Variants in PSD2 observed in about 807,000 individuals in gnomAD.
The protein encoded by PSD2 is PH and SEC7 domain-containing protein 2.
Under a neutral mutation model 69.8 loss-of-function variants are expected in PSD2, and 38 were observed. The observed-to-expected ratio is 0.54, with a 90% CI of 0.42 to 0.71. The LOEUF is 0.71. PSD2 is among the 30% of genes least tolerant of loss of function. The pLI is 0.00. For synonymous variants in PSD2, 412 were observed against 423.0 expected (o/e 0.97, Z 0.32); for missense variants, 943 against 1,014.5 (o/e 0.93, Z 0.96).
the PSD2 span, among the ~76,000 whole-genome samples, chr5:139,762,325 G>GA: frequency 2.7e-5 from 4 of 150,664 alleles, no homozygotes; most frequent in African/African-American, 9.8e-5. Flanking sequence ...TTACAGGCAT[G>GA]AACCACCACG....
At chr5:139,841,447 G>C (rs572563828) in intron 14 of PSD2, among the ~76,000 whole-genome samples, 1 of 152,266 alleles carries the variant, frequency 6.6e-6, no homozygotes, top group Admixed American at 6.5e-5. Context: ...TCCATCTTTT[G>C]GCTATTATGA....
chr5:139,817,491 A>G lies in PSD2; in HGVS notation c.1027A>G (p.Ser343Gly), dbSNP rs1162095834. The G allele has an allele frequency of 1.2e-6, 2 of 1,614,024 alleles. No homozygotes were observed. The highest frequency in any genetic ancestry group is 2.2e-5 in the South Asian group (2 of 91,088). The change falls in exon 5 of 15, where the codon AGC becomes GGC. Residue 343 changes from serine to glycine, a missense_variant. By Grantham distance (56) the Ser-to-Gly change is moderately conservative. Coordinates refer to ENST00000274710, the MANE Select transcript of PSD2 (RefSeq NM_032289.4). ...ATACTCTCCTGGCAGCAACGAGTTT[A>G]GCAGGCTGGTGGCCGGGGAGTACCT... The part of the protein sequence containing the change: ...ARQLGKNNEF[S>G]RLVAGEYLSF...
intron 7 of PSD2, among the ~76,000 whole-genome samples, chr5:139,829,895 T>C (rs1760528954): frequency 6.6e-6 from 1 of 152,180 alleles, no homozygotes. Flanking sequence ...ATTTAACTTT[T>C]TGAGGAAGTG....
the PSD2 span, among the ~76,000 whole-genome samples, chr5:139,761,976 C>T: frequency 6.6e-6 from 1 of 152,180 alleles, no homozygotes; most frequent in Non-Finnish European, 1.5e-5. Flanking sequence ...CCTCCGTTTC[C>T]ATAGCTGTAA....
chr5:139,758,253 C>T, the PSD2 span, among the ~76,000 whole-genome samples: 1 of 152,036 alleles, frequency 6.6e-6, no homozygotes, highest in Non-Finnish European at 1.5e-5. Flanking sequence ...GGCCTGGGAG[C>T]ACCCTTTCTT....
intron 1 of PSD2, among the ~76,000 whole-genome samples, chr5:139,808,849 G>A (rs1195545345): frequency 9.2e-5 from 14 of 152,250 alleles, no homozygotes; most frequent in Admixed American, 5.9e-4. Context: ...ATTAGGCTGC[G>A]TCTGTTGACT....
rs148764303 is a variant in PSD2 at position 139,807,149 on chromosome 5, G to A, written c.-50-2242G>A. On this transcript the variant is annotated intron_variant, in intron 1 of 14. Transcript: ENST00000274710. ...CTCTTAAACCTCAGGTTTCATGAAG[G>A]CTTAGGCAGAGCCCTGACTCAAAAT... Among the ~76,000 whole-genome samples, 239 of 152,326 alleles carry A rather than the reference G, an allele frequency of 1.6e-3. 1 individual carries two copies. Among genetic ancestry groups the A allele is most frequent in the African/African-American group, 5.6e-3 (231 of 41,572 alleles).
At chr5:139,771,974 C>T in the PSD2 span, among the ~76,000 whole-genome samples, 1 of 152,184 alleles carries the variant, frequency 6.6e-6, no homozygotes, top group Non-Finnish European at 1.5e-5. Context: ...TGTCTCCTCG[C>T]TCCCAGCACC....
chr5:139,838,874 T>A (rs1760804467), intron 13 of PSD2, 102 bp downstream of exon 13: 1 of 1,317,524 alleles, frequency 7.6e-7, no homozygotes, highest in Non-Finnish European at 1.1e-6. Context: ...GGCTGGGTGA[T>A]CCTGGGCTGA....
At chr5:139,770,853 CAT>C in the PSD2 span, among the ~76,000 whole-genome samples, 85 of 152,338 alleles carry the variant, frequency 5.6e-4, no homozygotes, top group African/African-American at 2.0e-3. Context: ...ATGAAATACA[CAT>C]GTGTGCACAA....
intron 6 of PSD2, among the ~76,000 whole-genome samples, chr5:139,822,319 T>G (rs1430409446): frequency 1.3e-5 from 2 of 151,972 alleles, no homozygotes; most frequent in African/African-American, 4.8e-5. Context: ...GTGGTGGGGG[T>G]CTAGGTCGGG....
intron 9 of PSD2, 126 bp from the exon 10 acceptor site, chr5:139,836,685 C>A (rs1760726486): frequency 1.3e-6 from 1 of 763,750 alleles, no homozygotes; most frequent in South Asian, 1.8e-5. Flanking sequence ...CTCTTCATCT[C>A]TGCCTCCTGG....
intron 3 of PSD2, 145 bp downstream of exon 3, chr5:139,813,903 TC>T: frequency 1.3e-6 from 1 of 764,450 alleles, no homozygotes; most frequent in Non-Finnish European, 2.0e-6. Context: ...CATCCAGGCT[TC>T]CCACCCTGTG....
the PSD2 span, among the ~76,000 whole-genome samples, chr5:139,760,389 CG>C: frequency 6.6e-6 from 1 of 152,114 alleles, no homozygotes; most frequent in African/African-American, 2.4e-5. Flanking sequence ...GGTGTGCTCA[CG>C]GGGGACCCAC....
At chr5:139,813,818 G>A (rs934118291) in intron 3 of PSD2, 60 bp downstream of exon 3, 25 of 1,448,388 alleles carry the variant, frequency 1.7e-5, no homozygotes. Context: ...AGACCCAGAG[G>A]GGGCAAAGCA....
chr5:139,842,845 G>A lies in PSD2; in HGVS notation c.*371G>A, dbSNP rs1284077480. The A allele has an allele frequency of 2.1e-5, 4 of 189,898 alleles. No homozygotes were observed. In the South Asian group the frequency reaches 3.6e-4, roughly 17 times the overall value. The allele number at this position is 189,898 out of a possible 1,614,324, so 11.8% of individuals were successfully genotyped here. On this transcript the variant is annotated 3_prime_UTR_variant, in exon 15 of 15. Transcript: ENST00000274710. Reference sequence around the variant, plus strand: ...CTCCTCATCTTTTTTGTGTGTGAGGGCAGGTCTTGACTCTAGGTCTCAGCT... The same window carrying A: ...CTCCTCATCTTTTTTGTGTGTGAGGACAGGTCTTGACTCTAGGTCTCAGCT...
At chr5:139,818,680 TC>T (rs1760184886) in intron 5 of PSD2, among the ~76,000 whole-genome samples, 1 of 152,234 alleles carries the variant, frequency 6.6e-6, no homozygotes, top group Non-Finnish European at 1.5e-5. Flanking sequence ...TTGTAATATG[TC>T]ATTAACCCAT....
the PSD2 span, among the ~76,000 whole-genome samples, chr5:139,788,985 C>A: frequency 6.6e-6 from 1 of 152,212 alleles, no homozygotes; most frequent in Non-Finnish European, 1.5e-5. Context: ...TCCCTCCTGG[C>A]TAACATGGGA....
chr5:139,809,669 C>G lies in PSD2; in HGVS notation c.229C>G (p.Leu77Val). 6.2e-7 allele frequency: 1 copy of G among 1,614,260 alleles called. No individual in the cohort carries two copies. The highest frequency in any genetic ancestry group is 8.5e-7 in the Non-Finnish European group (1 of 1,180,044). The change falls in exon 2 of 15, where the codon CTC becomes GTC. Residue 77 changes from leucine to valine, a missense_variant. Leu to Val is a conservative substitution (Grantham distance 32, BLOSUM62 1). Transcript: ENST00000274710. ...CCATGGCCTCAGCCTTGGCCTCTCTCTCACCAATGGCCTAGCCCTGGGGCC... is the reference window on the plus strand; with the variant it reads ...CCATGGCCTCAGCCTTGGCCTCTCTGTCACCAATGGCCTAGCCCTGGGGCC... Reference protein sequence around the residue: ...AFHGLSLGLSLTNGLALGPDL... With the variant: ...AFHGLSLGLSVTNGLALGPDL...
Sources: allele counts gnomAD v4.1 joint callset (sites outside exome capture counted in the v4.1 genomes callset), GRCh38; gene constraint gnomAD v4.1.1; transcripts MANE v1.5; gene names NCBI Gene and HGNC (gene_info 2026-07-23, HGNC 2026-07-21).